SIGIRR: variants seen among roughly 807,000 people sequenced by gnomAD.
The protein encoded by SIGIRR is single Ig IL-1-related receptor.
A neutral mutation model predicts 45.6 loss-of-function variants in SIGIRR; 41 were observed. The observed-to-expected ratio is 0.90, with a 90% confidence interval of 0.70 to 1.17. The LOEUF is 1.17. Ranked by LOEUF, SIGIRR falls within the 50% of genes most tolerant of loss-of-function variation. The pLI, the probability that SIGIRR is intolerant of heterozygous loss-of-function variation, is 0.00. For synonymous variants in SIGIRR, 298 were observed against 239.0 expected (o/e 1.25, Z -2.28); for missense variants, 599 against 539.6 (o/e 1.11, Z -1.09).
In SIGIRR at chr11:409,944, G is replaced by T; in HGVS notation, c.-70C>A. ...CACCCCTGGCTCCACCGGGCTCCTC[G>T]GCCAGCAGACTGATCCAAGAGCTGG... On this transcript the variant is annotated 5_prime_UTR_variant, in exon 2 of 10. Coordinates refer to ENST00000431843, the MANE Select transcript of SIGIRR (RefSeq NM_001135054.2). The T allele has an allele frequency of 1.6e-6, 2 of 1,260,932 alleles. No homozygotes were observed. The highest frequency in any genetic ancestry group is 6.3e-5 in the East Asian group (2 of 31,914). The allele number at this position is 1,260,932 out of a possible 1,614,324, so 78.1% of individuals were successfully genotyped here. A position where few individuals can be genotyped will look rare whatever the true frequency, so the allele number is the denominator to read the frequency against.
rs546354051 is a variant in SIGIRR, at chr11:408,705, C to T, written c.196G>A (p.Glu66Lys). The T allele has an allele frequency of 2.6e-5, 42 of 1,612,538 alleles. 1 individual carries two copies. In the South Asian group the frequency reaches 3.7e-4, roughly 14 times the overall value. Residue 66 changes from glutamate (E) to lysine (K), a missense_variant, in exon 3 of 10, where the codon GAG becomes AAG. By Grantham distance (56) the Glu-to-Lys change is moderately conservative. Transcript: ENST00000431843. ...LGIGGHYSLH[E>K]YSWVKANLSE... is the part of the protein sequence containing the mutation. ...ACCCGGGTCTCTTACCAGGAGTACT[C>T]GTGGAGGCTGTAGTGGCCCCCAATT...
At chr11:406,724 G>A (rs964840406) in intron 8 of SIGIRR, 119 bp downstream of exon 8, 3 of 1,416,918 alleles carry the variant, frequency 2.1e-6, no homozygotes, top group South Asian at 1.5e-5. Flanking sequence ...TCCCCCCAGG[G>A]CCCATTCACA....
Position 408,043 on chromosome 11 carries a change from C to T in SIGIRR, c.340+30G>A, listed in dbSNP as rs142613676. 8,914 of 1,611,942 alleles carry T rather than the reference C, an allele frequency of 5.5e-3. 30 individuals are homozygous for T. The highest frequency in any genetic ancestry group is 6.8e-3 in the Non-Finnish European group (8,056 of 1,179,500). On this transcript the variant is annotated intron_variant, in intron 4 of 9. Transcript: ENST00000431843. Reference sequence around the variant, plus strand: ...GGCCTCACTAGGTCTAGGTCCCCTTCTACCCTCCACCTTGGGGAACCCCCA... The same window carrying T: ...GGCCTCACTAGGTCTAGGTCCCCTTTTACCCTCCACCTTGGGGAACCCCCA...
Position 405,881 on chromosome 11 carries a change from A to G in SIGIRR, c.*15T>C. 6.3e-7 allele frequency: 1 copy of G among 1,582,642 alleles called. No homozygotes were observed. The highest frequency in any genetic ancestry group is 8.6e-7 in the Non-Finnish European group (1 of 1,160,556). The stretch of plus-strand genomic sequence containing the variant: ...GCCCCCGCTGTCCCTATGATCCTGC[A>G]CTCTGGGGTGGGAGCTACATATCAT... On this transcript the variant is annotated 3_prime_UTR_variant, in exon 10 of 10. Coordinates refer to ENST00000431843, the MANE Select transcript of SIGIRR (RefSeq NM_001135054.2).
rs1847395069 is a variant in SIGIRR, at chr11:407,466, T to C, written c.584A>G (p.Tyr195Cys). Reference protein sequence around the residue: ...LKPQLERRRGYKLFLDDRDLL... With the variant: ...LKPQLERRRGCKLFLDDRDLL... ...GTCGCGGTCGTCCAGGAAGAGCTTG[T>C]AGCCCCGACGCCGCTCCAGCTGCGG... The change falls in exon 6 of 10, where the codon TAC (tyrosine) becomes TGC (cysteine). Residue 195 changes from tyrosine (Y) to cysteine (C), a missense_variant. Coordinates refer to ENST00000431843, the MANE Select transcript of SIGIRR (RefSeq NM_001135054.2). The C allele has an allele frequency of 3.8e-6, 6 of 1,567,006 alleles. No homozygotes were observed. Among genetic ancestry groups the C allele is most frequent in the Middle Eastern group, 1.7e-4 (1 of 5,984 alleles).
chr11:416,656 G>A (rs1590398712), upstream of SIGIRR, among the ~76,000 whole-genome samples: 1 of 152,188 alleles, frequency 6.6e-6, no homozygotes, highest in Admixed American at 6.5e-5. This position sits in a 1 kb window ranked among gnomAD's most constrained non-coding sequence, Gnocchi z 9.1. Context: ...CGGACGCGCC[G>A]CCCCTCCGCT....
At position 406,500 on chromosome 11, in the gene SIGIRR, C is replaced by T. The variant is rs916875365; in HGVS notation, c.918G>A (p.Ala306=). Residue 306 remains alanine, a synonymous_variant, in exon 9 of 10, where the codon GCG becomes GCA. Coordinates refer to ENST00000431843, the MANE Select transcript of SIGIRR (RefSeq NM_001135054.2). The part of the protein sequence containing the change: ...SSDFWKEVQL[A]LPRKVQYRPV... ...GCCTGTACTGCACCTTCCGCGGCAG[C>T]GCCAGCTGCACTTCTTTCCAAAAAT... is the stretch of plus-strand genomic sequence containing the variant. The T allele has an allele frequency of 1.9e-6, 3 of 1,611,236 alleles. No homozygotes were observed. The highest frequency in any genetic ancestry group is 2.5e-6 in the Non-Finnish European group (3 of 1,178,858).
At chr11:411,339 T>C (rs1446131467) in intron 1 of SIGIRR, among the ~76,000 whole-genome samples, 7 of 19,050 alleles carry the variant, frequency 3.7e-4, no homozygotes, top group African/African-American at 1.6e-3. Flanking sequence ...GCTCTGACCA[T>C]GTCTGGATGC....
rs1409607159 is a variant in SIGIRR at position 406,424 on chromosome 11, G to C, written c.994C>G (p.Leu332Val). The change falls in exon 9 of 10, where the codon CTG becomes GTG. Residue 332 changes from leucine to valine, a missense_variant. By Grantham distance (32) the Leu-to-Val change is conservative. Coordinates refer to ENST00000431843, the MANE Select transcript of SIGIRR (RefSeq NM_001135054.2). ...TQLQDDKDPM[L>V]ILRGRVPEGR... Reference sequence around the variant, plus strand: ...TCAGGGACTCGGCCTCGAAGAATCAGCATGGGGTCCTTGTCGTCCTGCAGC... The same window carrying C: ...TCAGGGACTCGGCCTCGAAGAATCACCATGGGGTCCTTGTCGTCCTGCAGC... 2 of 1,612,766 alleles carry C rather than the reference G, an allele frequency of 1.2e-6. No homozygotes were observed. Among genetic ancestry groups the C allele is most frequent in the Non-Finnish European group, 1.7e-6 (2 of 1,179,918 alleles).
Position 408,779 on chromosome 11 carries a change from T to C in SIGIRR, c.122A>G (p.His41Arg). Residue 41 changes from histidine to arginine, a missense_variant, in exon 3 of 10, where the codon CAC (histidine) becomes CGC (arginine). Transcript: ENST00000431843. ...CCACTGGACTGAAGGCAGGGAGCAG[T>C]GGGGCCCAGAGACTACCCAAGCCGT... ...NCTAWVVSGP[H>R]CSLPSVQWLK... The C allele has an allele frequency of 6.2e-7, 1 of 1,612,702 alleles. No homozygotes were observed. The highest frequency in any genetic ancestry group is 8.5e-7 in the Non-Finnish European group (1 of 1,179,966).
intron 1 of SIGIRR, among the ~76,000 whole-genome samples, chr11:410,726 C>G (rs1315280602): frequency 1.2e-5 from 1 of 84,156 alleles, no homozygotes; most frequent in Non-Finnish European, 2.2e-5. Flanking sequence ...CCAGCTCTGA[C>G]CATGTCTGGA....
chr11:406,386 C>T lies in SIGIRR; in HGVS notation c.1032G>A (p.Leu344=), dbSNP rs1285778759. ...LRGRVPEGRA[L]DSEVDPDPEG... is the part of the protein sequence containing the mutation. ...CAGGGTCCGGGTCCACCTCTGAGTC[C>T]AGGGCCCGGCCCTCAGGGACTCGGC... is the stretch of plus-strand genomic sequence containing the variant. The change falls in exon 9 of 10, where the codon CTG becomes CTA. Residue 344 remains leucine, a synonymous_variant. Transcript: ENST00000431843. The T allele has an allele frequency of 1.9e-6, 3 of 1,612,530 alleles. No homozygotes were observed. Among genetic ancestry groups the T allele is most frequent in the Non-Finnish European group, 2.5e-6 (3 of 1,179,862 alleles).
chr11:408,444 C>T (rs754192011), intron 3 of SIGIRR, among the ~76,000 whole-genome samples: 2 of 152,162 alleles, frequency 1.3e-5, no homozygotes, highest in Admixed American at 6.5e-5. Flanking sequence ...GCCAGCTGGT[C>T]GGTGTTCATT....
In SIGIRR at chr11:408,134, A is replaced by G. The variant is rs2133624801; in HGVS notation, c.279T>C (p.Tyr93=). The change falls in exon 4 of 10, where the codon TAT becomes TAC. Residue 93 remains tyrosine (Y), a synonymous_variant. Transcript: ENST00000431843. ...LGVNVTSTEV[Y]GAFTCSIQNI... ...TCTGGATGGAGCAGGTGAAGGCCCC[A>G]TAGACTTCAGTGCTGGTCACGTTGA... The G allele has an allele frequency of 1.2e-6, 2 of 1,612,820 alleles. No individual in the cohort carries two copies. Among genetic ancestry groups the G allele is most frequent in the Middle Eastern group, 1.6e-4 (1 of 6,062 alleles).
intron 6 of SIGIRR, 125 bp from the exon 7 acceptor site, chr11:407,289 T>C: frequency 1.4e-6 from 1 of 704,244 alleles, no homozygotes; most frequent in Non-Finnish European, 2.0e-6. Flanking sequence ...GGGCGGGTTT[T>C]TGAGGCGGGG....
rs571812216 is a variant in SIGIRR, at chr11:408,281, C to A, written c.207-75G>T. ...CCCCCGAACCCCACCTGTCTGGGTT[C>A]ACCCAGGGAGGCTGCAGAATTGGGC... On this transcript the variant is annotated intron_variant, in intron 3 of 9. Coordinates refer to ENST00000431843, the MANE Select transcript of SIGIRR (RefSeq NM_001135054.2). 9.0e-6 allele frequency: 14 copies of A among 1,559,842 alleles called. No individual in the cohort carries two copies. The Admixed American group carries it at 2.6e-4, about 29-fold the overall frequency.
intron 1 of SIGIRR, 88 bp downstream of exon 1, chr11:414,735 C>T (rs1050421509): frequency 2.4e-6 from 2 of 845,934 alleles, no homozygotes; most frequent in East Asian, 2.5e-4. Flanking sequence ...CACATGCACA[C>T]ACATGCATAT....
At chr11:407,999 C>T in intron 4 of SIGIRR, 42 bp from the exon 5 acceptor site, 7 of 1,603,520 alleles carry the variant, frequency 4.4e-6, no homozygotes, top group Non-Finnish European at 6.0e-6. Flanking sequence ...CCAGCAGCCC[C>T]CAAGCCTCAA....
In SIGIRR at chr11:406,492, C is replaced by G. The variant is rs376778033; in HGVS notation, c.926G>C (p.Arg309Pro). 1 of 1,611,582 alleles carries G rather than the reference C, an allele frequency of 6.2e-7. No homozygotes were observed. The highest frequency in any genetic ancestry group is 2.2e-5 in the East Asian group (1 of 44,860). ...TTCCACAGGCCTGTACTGCACCTTCCGCGGCAGCGCCAGCTGCACTTCTTT... is the reference window on the plus strand; with the variant it reads ...TTCCACAGGCCTGTACTGCACCTTCGGCGGCAGCGCCAGCTGCACTTCTTT... ...FWKEVQLALP[R>P]KVQYRPVEGD... Residue 309 changes from arginine to proline, a missense_variant, in exon 9 of 10, where the codon CGG (arginine) becomes CCG (proline). Physicochemically the swap from Arg to Pro is moderately radical, Grantham distance 103 (BLOSUM62 -2). Coordinates refer to ENST00000431843, the MANE Select transcript of SIGIRR (RefSeq NM_001135054.2).
Sources: allele counts gnomAD v4.1 joint callset (sites outside exome capture counted in the v4.1 genomes callset), GRCh38; gene constraint gnomAD v4.1.1; non-coding constraint Gnocchi (gnomAD v3.1); transcripts MANE v1.5; gene names NCBI Gene and HGNC (gene_info 2026-07-23, HGNC 2026-07-21).